The following P2RX3 variants were observed in gnomAD, a reference collection of about 807,000 sequenced individuals.
The protein encoded by P2RX3 is P2X purinoceptor 3.
Under a neutral mutation model 51.5 loss-of-function variants are expected in P2RX3, and 41 were observed. The observed-to-expected ratio is 0.80, with a 90% confidence interval of 0.62 to 1.03. P2RX3 has a LOEUF of 1.03. P2RX3 is among the 50% of genes least tolerant of loss of function. The pLI, the probability that P2RX3 is intolerant of heterozygous loss-of-function variation, is 0.00. For missense variants in P2RX3, 459 were observed against 522.1 expected (o/e 0.88, Z 1.18); for synonymous variants, 185 against 191.6 (o/e 0.97, Z 0.29).
intron 2 of P2RX3, 50 bp downstream of exon 2, chr11:57,346,729 G>A (rs1856440992): frequency 6.3e-7 from 1 of 1,598,546 alleles, no homozygotes; most frequent in East Asian, 2.2e-5. Flanking sequence ...ACACTGGGCA[G>A]GTTGGAAGGG....
At chr11:57,346,996 C>A in intron 2 of P2RX3, 120 bp from the exon 3 acceptor site, 2 of 1,118,104 alleles carry the variant, frequency 1.8e-6, no homozygotes, top group Non-Finnish European at 2.6e-6. Context: ...GTGACCTTGG[C>A]CAAGTCACTA....
At chr11:57,369,298 G>A in intron 10 of P2RX3, 63 bp from the exon 11 acceptor site, 1 of 1,468,490 alleles carries the variant, frequency 6.8e-7, no homozygotes, top group South Asian at 1.2e-5. Context: ...AGCACTTCCT[G>A]CCACCCTGAT....
At chr11:57,369,463 G>A (rs1856847921) in intron 11 of P2RX3, 25 bp downstream of exon 11, 2 of 1,594,368 alleles carry the variant, frequency 1.3e-6, no homozygotes, top group African/African-American at 1.4e-5. Flanking sequence ...GGGCACCCTT[G>A]GATAAAAGGG....
intron 7 of P2RX3, chr11:57,350,237 G>A (rs1856519422): frequency 4.0e-6 from 1 of 251,408 alleles, no homozygotes; most frequent in Non-Finnish European, 7.6e-6. Context: ...TGTAGCTAAA[G>A]CACTGAAGAT....
chr11:57,350,118 G>A (rs999027931), intron 7 of P2RX3, among the ~76,000 whole-genome samples: 1 of 151,750 alleles, frequency 6.6e-6, no homozygotes, highest in African/African-American at 2.4e-5. Flanking sequence ...CCTTCCTCAA[G>A]CCTCAGTTTC....
intron 8 of P2RX3, among the ~76,000 whole-genome samples, chr11:57,356,097 C>G (rs1856626216): frequency 6.6e-6 from 1 of 152,160 alleles, no homozygotes; most frequent in Non-Finnish European, 1.5e-5. Context: ...TTGCAAAGCC[C>G]TTTCACACCT....
intron 1 of P2RX3, among the ~76,000 whole-genome samples, chr11:57,339,784 G>A (rs1856304819): frequency 6.6e-6 from 1 of 152,202 alleles, no homozygotes; most frequent in South Asian, 2.1e-4. Flanking sequence ...CTGTGTGCCT[G>A]TGGGCTGAAG....
intron 8 of P2RX3, among the ~76,000 whole-genome samples, chr11:57,355,833 A>G (rs974185498): frequency 3.3e-5 from 5 of 152,130 alleles, no homozygotes; most frequent in Admixed American, 3.3e-4. Context: ...ATTTATATTT[A>G]TGCAGCATAA....
At chr11:57,369,747 C>A (rs988786575) in intron 11 of P2RX3, 137 bp from the exon 12 acceptor site, 1 of 689,246 alleles carries the variant, frequency 1.5e-6, no homozygotes, top group South Asian at 1.8e-5. Flanking sequence ...ATGGGAGGGG[C>A]CTTGGGATCA....
chr11:57,347,449 A>T lies in P2RX3; in HGVS notation c.362A>T (p.Gln121Leu), dbSNP rs1289066657. Residue 121 changes from glutamine (Q) to leucine (L), a missense_variant, in exon 4 of 12, where the codon CAG (glutamine) becomes CTG (leucine). Gln to Leu is a moderately radical substitution (Grantham distance 113). Transcript: ENST00000263314. ...EEKYRCVSDSQCGPERLPGGG... is the reference protein window; with the variant it reads ...EEKYRCVSDSLCGPERLPGGG... Reference sequence around the variant, plus strand: ...AAATACCGCTGTGTATCAGACAGCCAGTGCGGGCCTGAGCGCTTGCCAGGT... The same window carrying T: ...AAATACCGCTGTGTATCAGACAGCCTGTGCGGGCCTGAGCGCTTGCCAGGT... The T allele has an allele frequency of 1.9e-6, 3 of 1,559,060 alleles. No individual in the cohort carries two copies. The highest frequency in any genetic ancestry group is 4.8e-5 in the East Asian group (2 of 41,454).
At chr11:57,348,372 G>A in intron 5 of P2RX3, 109 bp downstream of exon 5, 1 of 1,086,000 alleles carries the variant, frequency 9.2e-7, no homozygotes, top group Non-Finnish European at 1.3e-6. Context: ...GCTTTCTCCA[G>A]TGTTGTCCCT....
intron 8 of P2RX3, among the ~76,000 whole-genome samples, chr11:57,352,244 T>C (rs1856560493): frequency 6.6e-6 from 1 of 152,218 alleles, no homozygotes; most frequent in South Asian, 2.1e-4. Context: ...TTATATTTAA[T>C]AGTTTAAAAT....
chr11:57,360,807 GAAAA>G (rs371749135), intron 8 of P2RX3, among the ~76,000 whole-genome samples: 1 of 141,822 alleles, frequency 7.1e-6, no homozygotes, highest in African/African-American at 2.5e-5. Flanking sequence ...AAAAAAAAAA[GAAAA>G]AAAGAAAGAA....
intron 1 of P2RX3, 127 bp from the exon 2 acceptor site, chr11:57,346,416 TG>T: frequency 1.7e-6 from 2 of 1,158,880 alleles, no homozygotes; most frequent in South Asian, 1.5e-5. Flanking sequence ...CTCACGCCTC[TG>T]GAAGGAACCA....
chr11:57,344,847 G>T (rs58042413), intron 1 of P2RX3, among the ~76,000 whole-genome samples: 2 of 152,110 alleles, frequency 1.3e-5, no homozygotes, highest in East Asian at 1.9e-4. Context: ...GCAAATATCC[G>T]CTGGGGTTTG....
At chr11:57,369,520 T>C in intron 11 of P2RX3, 82 bp downstream of exon 11, 3 of 1,290,440 alleles carry the variant, frequency 2.3e-6, no homozygotes, top group Non-Finnish European at 3.2e-6. Flanking sequence ...TGGCTCCCCT[T>C]CTGAGGCCTT....
intron 8 of P2RX3, among the ~76,000 whole-genome samples, chr11:57,363,187 C>T (rs1243990552): frequency 2.0e-5 from 3 of 152,190 alleles, no homozygotes; most frequent in Non-Finnish European, 4.4e-5. Context: ...TGGGATATAG[C>T]ATCATGGGAC....
At chr11:57,349,633 A>G in intron 6 of P2RX3, 124 bp from the exon 7 acceptor site, 1 of 1,144,372 alleles carries the variant, frequency 8.7e-7, no homozygotes, top group Non-Finnish European at 1.2e-6. Context: ...GGAGATGGCG[A>G]GGTCCAGATG....
Position 57,370,101 on chromosome 11 carries a change from T to G in P2RX3, c.*104T>G. 1.2e-6 allele frequency: 1 copy of G among 804,592 alleles called. No homozygotes were observed. The highest frequency in any genetic ancestry group is 2.0e-6 in the Non-Finnish European group (1 of 492,548). The allele number at this position is 804,592 out of a possible 1,614,324, so 49.8% of individuals were successfully genotyped here. On this transcript the variant is annotated 3_prime_UTR_variant, in exon 12 of 12. Transcript: ENST00000263314. ...AGGGAAGAGGGGCTCTCATTTCTGC[T>G]GCTCATTCCATGAGCATAGCTGGGA...
Sources: allele counts gnomAD v4.1 joint callset (sites outside exome capture counted in the v4.1 genomes callset), GRCh38; gene constraint gnomAD v4.1.1; transcripts MANE v1.5; gene names NCBI Gene and HGNC (gene_info 2026-07-23, HGNC 2026-07-21).